DNM1L: variants seen among roughly 807,000 people sequenced by gnomAD.
The protein encoded by DNM1L is dynamin 1L.
Under a neutral mutation model 92.8 loss-of-function variants are expected in DNM1L, and 33 were observed. That is an observed-to-expected ratio of 0.36 (90% CI 0.27 to 0.48). The LOEUF is 0.48. DNM1L is among the 20% of genes least tolerant of loss of function. The probability of loss-of-function intolerance (pLI) is 0.99; values close to 1 mark genes in which losing one functional copy is unlikely to be tolerated. For synonymous variants in DNM1L, 284 were observed against 305.0 expected (o/e 0.93, Z 0.72); for missense variants, 485 against 888.8 (o/e 0.55, Z 5.78).
Position 32,713,244 on chromosome 12 carries a change from T to G in DNM1L, c.492T>G (p.Leu164=), listed in dbSNP as rs144543426. 1 of 1,613,958 alleles carries G rather than the reference T, an allele frequency of 6.2e-7. No homozygotes were observed. Among genetic ancestry groups the G allele is most frequent in the Non-Finnish European group, 8.5e-7 (1 of 1,179,938 alleles). The change falls in exon 6 of 20, where the codon CTT becomes CTG. Residue 164 remains leucine (L), a synonymous_variant. Coordinates refer to ENST00000549701, the MANE Select transcript of DNM1L (RefSeq NM_012062.5). ...GTGATCAACCTAAGGATATTGAGCT[T>G]CAAATCAGAGAGCTCATTCTTCGGT... ...PVGDQPKDIE[L]QIRELILRFI...
intron 1 of DNM1L, among the ~76,000 whole-genome samples, chr12:32,694,977 C>T (rs1033797631): frequency 1.3e-5 from 2 of 152,060 alleles, no homozygotes; most frequent in Non-Finnish European, 1.5e-5. Flanking sequence ...AAGGGACTAG[C>T]GCTCCTTCAT....
intron 16 of DNM1L, among the ~76,000 whole-genome samples, 171 bp downstream of exon 16, chr12:32,738,467 T>C (rs563899768): frequency 1.3e-5 from 2 of 152,324 alleles, no homozygotes; most frequent in South Asian, 4.1e-4. Flanking sequence ...AACGTTGTTT[T>C]AATTAGTAAC....
intron 6 of DNM1L, among the ~76,000 whole-genome samples, chr12:32,717,441 AATAT>A (rs1565518031): frequency 1.0e-5 from 1 of 99,138 alleles, no homozygotes; most frequent in Non-Finnish European, 1.9e-5. Context: ...ATATATTTTA[AATAT>A]ATACTATATA....
At chr12:32,697,003 G>T (rs929164521) in intron 1 of DNM1L, among the ~76,000 whole-genome samples, 7 of 149,992 alleles carry the variant, frequency 4.7e-5, no homozygotes, top group Non-Finnish European at 8.9e-5. Flanking sequence ...CAAGGTGGGC[G>T]GATCACTTTG....
chr12:32,701,908 A>G (rs113278176), intron 2 of DNM1L, among the ~76,000 whole-genome samples: 1 of 151,460 alleles, frequency 6.6e-6, no homozygotes, highest in African/African-American at 2.4e-5. Flanking sequence ...TTGTATTTTT[A>G]GAAGAGACAG....
intron 5 of DNM1L, among the ~76,000 whole-genome samples, chr12:32,711,875 C>T (rs1041016241): frequency 5.3e-5 from 8 of 151,974 alleles, no homozygotes; most frequent in East Asian, 1.9e-4. Context: ...AGAGTGAGAC[C>T]CTGTCTCTAA....
At position 32,701,412 on chromosome 12, in the gene DNM1L, C is replaced by CT; in HGVS notation, c.103-3_103-2insT. ...TTTGCTCTTGTATATATTCTGTTTT[C>CT]AGAGCAGCGGAAAGAGCTCAGTGCT... On this transcript the variant is annotated splice_polypyrimidine_tract_variant and splice_region_variant and intron_variant, in intron 1 of 19. Transcript: ENST00000549701. 6.2e-7 allele frequency: 1 copy of CT among 1,613,604 alleles called. No individual in the cohort carries two copies. The highest frequency in any genetic ancestry group is 8.5e-7 in the Non-Finnish European group (1 of 1,179,666).
rs200948255 is a variant in DNM1L at position 32,731,828 on chromosome 12, G to T, written c.1357-26G>T. ...TAAAAAAAAAACAAAAAACAAACAC[G>T]TTTTTCTTTCATCTACCATTTGTAG... is the stretch of plus-strand genomic sequence containing the variant. On this transcript the variant is annotated intron_variant, in intron 11 of 19. Transcript: ENST00000549701. The surrounding 1 kb of genome is among the most constrained non-coding windows in gnomAD (Gnocchi z 5.1). 6.8e-7 allele frequency: 1 copy of T among 1,481,288 alleles called. No individual in the cohort carries two copies. The highest frequency in any genetic ancestry group is 1.7e-5 in the Admixed American group (1 of 58,118). The allele number at this position is 1,481,288 out of a possible 1,614,324, so 91.8% of individuals were successfully genotyped here. A position where few individuals can be genotyped will look rare whatever the true frequency, so the allele number is the denominator to read the frequency against.
Position 32,745,122 on chromosome 12 carries a change from G to T in DNM1L, c.*1712G>T. ...TACGATATGGTACTACTTTGAATCT[G>T]TTACTAGTACCATCTTGACAGAGGA... On this transcript the variant is annotated 3_prime_UTR_variant, in exon 20 of 20. Coordinates refer to ENST00000549701, the MANE Select transcript of DNM1L (RefSeq NM_012062.5). 1 of 426,236 alleles carries T rather than the reference G, an allele frequency of 2.3e-6. No homozygotes were observed. Among genetic ancestry groups the T allele is most frequent in the Non-Finnish European group, 4.5e-6 (1 of 220,814 alleles). The allele number at this position is 426,236 out of a possible 1,614,324, so 26.4% of individuals were successfully genotyped here.
At chr12:32,701,272 G>A (rs1274503310) in intron 1 of DNM1L, 143 bp from the exon 2 acceptor site, 9 of 686,042 alleles carry the variant, frequency 1.3e-5, no homozygotes, top group African/African-American at 5.7e-5. Flanking sequence ...GCGAAACTCC[G>A]TCTCAAAAAA....
chr12:32,734,387 TTCAG>T (rs1426625011), intron 13 of DNM1L, among the ~76,000 whole-genome samples: 1 of 152,202 alleles, frequency 6.6e-6, no homozygotes, highest in African/African-American at 2.4e-5. Flanking sequence ...TACTCCCTAA[TTCAG>T]TAAGACCTGA....
intron 16 of DNM1L, among the ~76,000 whole-genome samples, chr12:32,738,648 T>C (rs558424360): frequency 2.6e-5 from 4 of 152,200 alleles, no homozygotes; most frequent in Non-Finnish European, 5.9e-5. Flanking sequence ...ATCTAATGCT[T>C]CTTTCTTATG....
intron 9 of DNM1L, chr12:32,727,134 A>G (rs1341263645): frequency 1.3e-6 from 1 of 761,862 alleles, no homozygotes; most frequent in South Asian, 1.4e-5. Context: ...CTCCTCTGAA[A>G]TCTCATCTTC....
At chr12:32,682,424 G>C (rs571238610) in intron 1 of DNM1L, among the ~76,000 whole-genome samples, 1 of 152,214 alleles carries the variant, frequency 6.6e-6, no homozygotes, top group South Asian at 2.1e-4. Flanking sequence ...GAACCACCCC[G>C]CCTGGCCTAA....
At position 32,736,834 on chromosome 12, in the gene DNM1L, C is replaced by T. The variant is rs1199668587; in HGVS notation, c.1540-271C>T. On this transcript the variant is annotated intron_variant, in intron 13 of 19. Transcript: ENST00000549701. ...GGGGGAGAAGATGGCAGTCTGTTGC[C>T]CCTCATTTGAGAATCCCCAGTACAG... The T allele has an allele frequency of 1.2e-5, 5 of 421,872 alleles. No individual in the cohort carries two copies. The East Asian group carries it at 2.2e-4, about 18-fold the overall frequency. 26.1% of individuals were successfully genotyped at this position (421,872 alleles called of 1,614,324 possible).
At chr12:32,699,665 A>T (rs1014956504) in intron 1 of DNM1L, among the ~76,000 whole-genome samples, 1 of 152,012 alleles carries the variant, frequency 6.6e-6, no homozygotes, top group African/African-American at 2.4e-5. Flanking sequence ...GTGGTGTCAC[A>T]CGCCTGTAAT....
At chr12:32,732,392 T>C (rs1239186864) in intron 12 of DNM1L, 1 of 400,786 alleles carries the variant, frequency 2.5e-6, no homozygotes, top group East Asian at 7.1e-5. Flanking sequence ...CGTAGTTGCT[T>C]GCTACTATTC....
At chr12:32,723,780 CA>C (rs1480795441) in intron 9 of DNM1L, among the ~76,000 whole-genome samples, 3 of 135,892 alleles carry the variant, frequency 2.2e-5, no homozygotes, top group Non-Finnish European at 3.2e-5. Flanking sequence ...CCAAAACAAA[CA>C]AAAAAACAGA....
At chr12:32,684,887 A>G (rs532734691) in intron 1 of DNM1L, among the ~76,000 whole-genome samples, 1 of 151,730 alleles carries the variant, frequency 6.6e-6, no homozygotes, top group Non-Finnish European at 1.5e-5. Flanking sequence ...TTTGGCTATT[A>G]TGAATAAATA....
Sources: gnomAD v4.1 joint callset for allele counts (sites outside exome capture counted in the v4.1 genomes callset) on GRCh38, gnomAD v4.1.1 for gene constraint, Gnocchi (gnomAD v3.1) non-coding constraint, MANE v1.5 for transcripts, NCBI Gene and HGNC (gene_info 2026-07-23, HGNC 2026-07-21) for gene names.